Variants in MAD1L1 observed in about 807,000 individuals in gnomAD.
MAD1L1 encodes the protein mitotic spindle assembly checkpoint protein MAD1.
MAD1L1 carries 95 observed loss-of-function variants against 96.9 expected under a neutral mutation model. The observed-to-expected ratio is 0.98, with a 90% confidence interval of 0.83 to 1.16. The LOEUF is 1.16. Among genes scored for constraint, MAD1L1 ranks in the 50% most tolerant of loss-of-function variants. The pLI is 0.00. For missense variants in MAD1L1, 1,007 were observed against 954.4 expected (o/e 1.06, Z -0.73); for synonymous variants, 473 against 396.6 (o/e 1.19, Z -2.29).
Position 2,123,433 on chromosome 7 carries a change from G to A in MAD1L1, c.1073+25719C>T, listed in dbSNP as rs910547913. On this transcript the variant is annotated intron_variant, in intron 11 of 18. Transcript: ENST00000265854. ...AAACTGGGCTGGGGTGCAGGACGGA[G>A]AGAGGGCGCTGGTGAGGCCCTGGTC... 3.9e-5 allele frequency among the ~76,000 whole-genome samples: 6 copies of A among 152,216 alleles called. No homozygotes were observed. In the South Asian group the frequency reaches 1.2e-3, roughly 32 times the overall value.
chr7:2,138,655 C>G (rs1409693566), intron 11 of MAD1L1, among the ~76,000 whole-genome samples: 1 of 152,186 alleles, frequency 6.6e-6, no homozygotes, highest in Non-Finnish European at 1.5e-5. Context: ...ACTCTGAGAA[C>G]CCCAGGCCCA....
chr7:1,941,788 G>A (rs931869249), intron 16 of MAD1L1, among the ~76,000 whole-genome samples: 1 of 152,248 alleles, frequency 6.6e-6, no homozygotes, highest in African/African-American at 2.4e-5. Flanking sequence ...TGGCACCGCT[G>A]ACCAGGGCTG....
rs906834093 is a variant in MAD1L1 at position 2,088,256 on chromosome 7, G to A, written c.1074-18918C>T. Among the ~76,000 whole-genome samples, 8 of 152,172 alleles carry A rather than the reference G, an allele frequency of 5.3e-5. No individual in the cohort carries two copies. Among genetic ancestry groups the A allele is most frequent in the African/African-American group, 1.4e-4 (6 of 41,420 alleles). On this transcript the variant is annotated intron_variant, in intron 11 of 18. Coordinates refer to ENST00000265854, the MANE Select transcript of MAD1L1 (RefSeq NM_001013836.2). This position sits in a 1 kb window ranked among gnomAD's most constrained non-coding sequence, Gnocchi z 4.4. The stretch of plus-strand genomic sequence containing the variant: ...CTCACACCCCTGCCTGAAACCTGCC[G>A]ACGGGCCTGTTGCCGCTGGAACACA...
At chr7:2,198,752 AG>A (rs1235330167) in intron 10 of MAD1L1, among the ~76,000 whole-genome samples, 1 of 152,108 alleles carries the variant, frequency 6.6e-6, no homozygotes, top group Non-Finnish European at 1.5e-5. Flanking sequence ...TGCTCTTGGT[AG>A]CCCCTACTCC....
chr7:1,972,751 G>C (rs1780461626), intron 15 of MAD1L1, among the ~76,000 whole-genome samples: 2 of 152,008 alleles, frequency 1.3e-5, no homozygotes, highest in South Asian at 2.1e-4. Context: ...ATTGAGATAG[G>C]AACATAAATT....
At chr7:2,051,719 T>C (rs1208996622) in intron 12 of MAD1L1, among the ~76,000 whole-genome samples, 1 of 112,244 alleles carries the variant, frequency 8.9e-6, no homozygotes, top group Non-Finnish European at 1.8e-5. Flanking sequence ...CCAGCTGCGC[T>C]GTGCCTACTG....
rs1562728292 is a variant in MAD1L1, at chr7:2,146,019, A to G, written c.1073+3133T>C. On this transcript the variant is annotated intron_variant, in intron 11 of 18. Transcript: ENST00000265854. The surrounding 1 kb of genome is among the most constrained non-coding windows in gnomAD (Gnocchi z 6.2). ...ATCAGATCAGCAGAGAAGGAAAGTT[A>G]CACAACACCCAGGAAGTGCATCAAG... 6.6e-6 allele frequency among the ~76,000 whole-genome samples: 1 copy of G among 152,232 alleles called. No homozygotes were observed. The highest frequency in any genetic ancestry group is 1.5e-5 in the Non-Finnish European group (1 of 68,040).
intron 16 of MAD1L1, among the ~76,000 whole-genome samples, chr7:1,938,479 G>A (rs556483659): frequency 4.2e-4 from 64 of 152,282 alleles, no homozygotes; most frequent in African/African-American, 1.2e-3. Context: ...CAGTGGAAAG[G>A]CACCCACAGA....
chr7:1,886,407 G>A (rs1786031726), intron 18 of MAD1L1, among the ~76,000 whole-genome samples: 1 of 152,244 alleles, frequency 6.6e-6, no homozygotes, highest in South Asian at 2.1e-4. Flanking sequence ...TCATCTGAGA[G>A]TGATAAATCC....
At chr7:1,856,381 C>A (rs910145169) in intron 18 of MAD1L1, among the ~76,000 whole-genome samples, 3 of 152,234 alleles carry the variant, frequency 2.0e-5, no homozygotes, top group African/African-American at 7.2e-5. Flanking sequence ...CCAGTCCCCA[C>A]AGGCCAGCCT....
At chr7:2,215,775 G>C (rs1793235355) in intron 9 of MAD1L1, 110 bp downstream of exon 9, 1 of 980,280 alleles carries the variant, frequency 1.0e-6, no homozygotes, top group African/African-American at 1.6e-5. Flanking sequence ...CCCCATCACA[G>C]CAACCTCCAT....
chr7:2,005,304 C>T (rs1018032455), intron 13 of MAD1L1, among the ~76,000 whole-genome samples: 3 of 152,198 alleles, frequency 2.0e-5, no homozygotes, highest in African/African-American at 7.2e-5. Context: ...GAGACATCCA[C>T]GGGGTCCTGT....
intron 12 of MAD1L1, among the ~76,000 whole-genome samples, chr7:2,060,394 C>T (rs376037653): frequency 3.3e-5 from 5 of 151,470 alleles, no homozygotes; most frequent in East Asian, 1.9e-4. Flanking sequence ...TGTCAAGATA[C>T]GCTGATGCTG....
At chr7:1,841,273 T>TG (rs1489853353) in intron 18 of MAD1L1, among the ~76,000 whole-genome samples, 1 of 152,184 alleles carries the variant, frequency 6.6e-6, no homozygotes, top group Non-Finnish European at 1.5e-5. Flanking sequence ...GTCACTCACA[T>TG]GGGGGGCGAG....
chr7:1,904,679 T>C (rs1787508544), intron 17 of MAD1L1, among the ~76,000 whole-genome samples: 1 of 128,920 alleles, frequency 7.8e-6, no homozygotes, highest in African/African-American at 3.6e-5. Context: ...TGAAGCACTG[T>C]TCCAGGCAGC....
chr7:2,011,008 C>G (rs377598758), intron 13 of MAD1L1, among the ~76,000 whole-genome samples: 1 of 151,596 alleles, frequency 6.6e-6, no homozygotes, highest in Non-Finnish European at 1.5e-5. Flanking sequence ...GAAAAGGAGA[C>G]GGGAAACAGA....
chr7:1,883,228 A>G (rs184672067), intron 18 of MAD1L1, among the ~76,000 whole-genome samples: 27 of 152,314 alleles, frequency 1.8e-4, no homozygotes, highest in Middle Eastern at 6.8e-3. Flanking sequence ...TTGTGCCACA[A>G]ACGGCCCCAG....
At chr7:1,884,051 C>T (rs930238234) in intron 18 of MAD1L1, among the ~76,000 whole-genome samples, 3 of 135,378 alleles carry the variant, frequency 2.2e-5, no homozygotes, top group Non-Finnish European at 4.7e-5. Context: ...CTCACAACCA[C>T]GCCAGAGCGA....
At chr7:2,037,188 G>T (rs1345005963) in intron 12 of MAD1L1, among the ~76,000 whole-genome samples, 1 of 150,034 alleles carries the variant, frequency 6.7e-6, no homozygotes, top group African/African-American at 2.5e-5. Context: ...CTCCTTCTTT[G>T]TCTTCTTAAT....
Sources: allele counts gnomAD v4.1 joint callset (sites outside exome capture counted in the v4.1 genomes callset), GRCh38; gene constraint gnomAD v4.1.1; non-coding constraint Gnocchi (gnomAD v3.1); transcripts MANE v1.5; gene names NCBI Gene and HGNC (gene_info 2026-07-23, HGNC 2026-07-21).